The following CTNNA3 variants were observed in gnomAD, a reference collection of about 807,000 sequenced individuals.
CTNNA3 encodes catenin alpha 3.
In CTNNA3, 76 loss-of-function variants were observed where a neutral mutation model predicts 95.7. The observed-to-expected ratio is 0.79, with a 90% CI of 0.66 to 0.96. CTNNA3 has a LOEUF of 0.96. Ranked by LOEUF, CTNNA3 falls within the 40% of genes least tolerant of loss-of-function variation. CTNNA3 has a pLI of 0.00. For missense variants in CTNNA3, 1,191 were observed against 1,089.8 expected (o/e 1.09, Z -1.31); for synonymous variants, 431 against 374.4 (o/e 1.15, Z -1.74).
chr10:66,863,209 ACG>A (rs1491473038), intron 7 of CTNNA3, among the ~76,000 whole-genome samples: 10 of 147,266 alleles, frequency 6.8e-5, no homozygotes, highest in East Asian at 4.0e-4. Flanking sequence ...ACACACACAC[ACG>A]CACACACATA....
chr10:66,989,424 A>C (rs1850919328), intron 7 of CTNNA3, among the ~76,000 whole-genome samples: 1 of 152,228 alleles, frequency 6.6e-6, no homozygotes, highest in Non-Finnish European at 1.5e-5. Flanking sequence ...GTATAACAGA[A>C]TTAGACTACT....
intron 9 of CTNNA3, among the ~76,000 whole-genome samples, chr10:66,689,238 G>T (rs1377521255): frequency 6.6e-6 from 1 of 152,076 alleles, no homozygotes; most frequent in African/African-American, 2.4e-5. Flanking sequence ...GTAAGCAGTG[G>T]TATAAAAATT....
At chr10:67,282,949 C>T (rs939054901) in intron 5 of CTNNA3, among the ~76,000 whole-genome samples, 1 of 152,148 alleles carries the variant, frequency 6.6e-6, no homozygotes, top group African/African-American at 2.4e-5. Flanking sequence ...AAAAGCCAGC[C>T]TTAGAAACCT....
intron 5 of CTNNA3, among the ~76,000 whole-genome samples, chr10:67,366,743 C>T (rs1333854887): frequency 6.6e-6 from 1 of 151,922 alleles, no homozygotes; most frequent in African/African-American, 2.4e-5. Context: ...TTGATGAAAA[C>T]ATACAATGGG....
At chr10:66,613,650 C>T (rs1469882627) in intron 10 of CTNNA3, among the ~76,000 whole-genome samples, 1 of 152,066 alleles carries the variant, frequency 6.6e-6, no homozygotes, top group Non-Finnish European at 1.5e-5. Flanking sequence ...TGAGGATACA[C>T]CACTCAATTA....
intron 5 of CTNNA3, among the ~76,000 whole-genome samples, chr10:67,292,766 A>G (rs1313383515): frequency 1.3e-5 from 2 of 152,212 alleles, no homozygotes; most frequent in Admixed American, 1.3e-4. Flanking sequence ...AATAGTAATG[A>G]CTTTCAAAGA....
At chr10:67,326,260 C>T (rs1238369382) in intron 5 of CTNNA3, among the ~76,000 whole-genome samples, 1 of 152,150 alleles carries the variant, frequency 6.6e-6, no homozygotes, top group Non-Finnish European at 1.5e-5. Flanking sequence ...GGATTTGATC[C>T]TGTCATCATG....
At chr10:67,465,410 A>G (rs1291770061) in intron 5 of CTNNA3, among the ~76,000 whole-genome samples, 2 of 152,114 alleles carry the variant, frequency 1.3e-5, no homozygotes, top group East Asian at 3.9e-4. Flanking sequence ...TAGATTATAG[A>G]CGAGGAAAGG....
At chr10:66,087,042 A>G (rs2081011036) in intron 14 of CTNNA3, among the ~76,000 whole-genome samples, 1 of 152,144 alleles carries the variant, frequency 6.6e-6, no homozygotes, top group South Asian at 2.1e-4. Flanking sequence ...GGTACATCCA[A>G]CATGGTGATT....
At chr10:67,209,134 T>C (rs79312033) in intron 6 of CTNNA3, among the ~76,000 whole-genome samples, 6,562 of 152,170 alleles carry the variant, frequency 0.043, 177 homozygotes, top group South Asian at 0.088. Context: ...CTGCAACCTC[T>C]GCCTCCTGAG....
intron 7 of CTNNA3, chr10:67,015,437 T>A (rs1472194524): frequency 1.3e-5 from 2 of 152,198 alleles, no homozygotes; most frequent in Non-Finnish European, 2.9e-5. Context: ...TATATTTGAC[T>A]GAAAATAAAA....
At chr10:67,611,657 T>C (rs1317262817) in intron 2 of CTNNA3, among the ~76,000 whole-genome samples, 1 of 152,174 alleles carries the variant, frequency 6.6e-6, no homozygotes, top group African/African-American at 2.4e-5. Flanking sequence ...AACACAATTA[T>C]ATTCTATAAC....
At chr10:67,236,391 C>T (rs1865458017) in intron 5 of CTNNA3, among the ~76,000 whole-genome samples, 1 of 151,132 alleles carries the variant, frequency 6.6e-6, no homozygotes, top group Admixed American at 6.6e-5. Context: ...AATCATCATT[C>T]TCAGCAAACT....
chr10:66,350,504 G>C (rs1322411508), intron 12 of CTNNA3, among the ~76,000 whole-genome samples: 1 of 150,814 alleles, frequency 6.6e-6, no homozygotes, highest in African/African-American at 2.4e-5. Context: ...TGACTCCATA[G>C]TCAATGAACA....
At chr10:67,341,823 T>A (rs547010401) in intron 5 of CTNNA3, among the ~76,000 whole-genome samples, 2 of 152,266 alleles carry the variant, frequency 1.3e-5, no homozygotes, top group Admixed American at 1.3e-4. Context: ...GAGTGTACAA[T>A]GACTCCCTTT....
chr10:67,313,620 T>C lies in CTNNA3; in HGVS notation c.580-93750A>G, dbSNP rs74142474. 1.6e-3 allele frequency among the ~76,000 whole-genome samples: 248 copies of C among 152,112 alleles called. 1 individual carries two copies. Among genetic ancestry groups the C allele is most frequent in the African/African-American group, 5.8e-3 (240 of 41,490 alleles). On this transcript the variant is annotated intron_variant, in intron 5 of 17. Transcript: ENST00000433211. ...AATTTGTGCTAGAGAAAAATCACTT[T>C]TGTGGCAATGCCAATTAGTGGAGCG...
At chr10:66,542,543 G>T (rs1841892502) in intron 10 of CTNNA3, among the ~76,000 whole-genome samples, 1 of 152,054 alleles carries the variant, frequency 6.6e-6, no homozygotes, top group African/African-American at 2.4e-5. Flanking sequence ...TATACACCAT[G>T]GAATACAATG....
rs952316977 is a variant in CTNNA3, at chr10:66,431,064, A to AAC, written c.1532-51713_1532-51712insGT. ...ACTCAAATTTACAAGAAAAAAAAAA[A>AAC]CCCATCAAAAAGTGGGCAAAGGATA... is the stretch of plus-strand genomic sequence containing the variant. On this transcript the variant is annotated intron_variant, in intron 11 of 17. Coordinates refer to ENST00000433211, the MANE Select transcript of CTNNA3 (RefSeq NM_013266.4). 2.0e-5 allele frequency among the ~76,000 whole-genome samples: 3 copies of AAC among 151,174 alleles called. No individual in the cohort carries two copies. The East Asian group carries it at 5.8e-4, about 29-fold the overall frequency.
intron 14 of CTNNA3, among the ~76,000 whole-genome samples, chr10:66,071,438 G>C (rs2080431969): frequency 3.4e-5 from 1 of 29,426 alleles, no homozygotes; most frequent in South Asian, 1.5e-3. Flanking sequence ...TCCCAATTTT[G>C]TAAGTGAGGA....
Sources: allele counts gnomAD v4.1 joint callset (sites outside exome capture counted in the v4.1 genomes callset), GRCh38; gene constraint gnomAD v4.1.1; transcripts MANE v1.5; gene names NCBI Gene and HGNC (gene_info 2026-07-23, HGNC 2026-07-21).